LIPE: variants seen among roughly 807,000 people sequenced by gnomAD.
LIPE encodes lipase E, hormone sensitive type, also known as hormone-sensitive lipase.
A neutral mutation model predicts 88.5 loss-of-function variants in LIPE; 66 were observed. The observed-to-expected ratio is 0.75, with a 90% CI of 0.61 to 0.91. The LOEUF is 0.91. LIPE is among the 40% of genes least tolerant of loss of function. The probability of loss-of-function intolerance (pLI) is 0.00; values close to 1 mark genes in which losing one functional copy is unlikely to be tolerated. For synonymous variants in LIPE, 570 were observed against 617.5 expected (o/e 0.92, Z 1.14); for missense variants, 1,346 against 1,434.7 (o/e 0.94, Z 1.00).
chr19:42,413,966 A>G (rs1206030858), intron 1 of LIPE, among the ~76,000 whole-genome samples: 1 of 152,180 alleles, frequency 6.6e-6, no homozygotes, highest in Non-Finnish European at 1.5e-5. Flanking sequence ...AGGCAGTGTT[A>G]GGCTTGCAGC....
chr19:42,404,877 A>T (rs879524418), intron 8 of LIPE, among the ~76,000 whole-genome samples: 5 of 148,610 alleles, frequency 3.4e-5, no homozygotes, highest in Non-Finnish European at 7.5e-5. Flanking sequence ...CTTTTTTTAA[A>T]TTTTTTTTTT....
chr19:42,410,464 T>G lies in LIPE; in HGVS notation c.1262A>C (p.Gln421Pro). 6.2e-7 allele frequency: 1 copy of G among 1,614,084 alleles called. No individual in the cohort carries two copies. The change falls in exon 2 of 10, where the codon CAG becomes CCG. Residue 421 changes from glutamine to proline, a missense_variant. By Grantham distance (76) the Gln-to-Pro change is moderately conservative (BLOSUM62 -1). Transcript: ENST00000244289. This position sits in a 1 kb window ranked among gnomAD's most constrained non-coding sequence, Gnocchi z 6.1. Reference protein sequence around the residue: ...ELEAYLAALTQLRALVYYAQR... With the variant: ...ELEAYLAALTPLRALVYYAQR... Reference sequence around the variant, plus strand: ...GGCGTAGTAGACCAGAGCGCGGAGCTGGGTGAGGGCAGCCAGGTAGGCCTC... The same window carrying G: ...GGCGTAGTAGACCAGAGCGCGGAGCGGGGTGAGGGCAGCCAGGTAGGCCTC...
In LIPE at chr19:42,410,665, C is replaced by T. The variant is rs369144223; in HGVS notation, c.1061G>A (p.Arg354His). 1.1e-5 allele frequency: 17 copies of T among 1,611,702 alleles called. No individual in the cohort carries two copies. The highest frequency in any genetic ancestry group is 5.3e-5 in the African/African-American group (4 of 74,886). The change falls in exon 2 of 10, where the codon CGC becomes CAC. Residue 354 changes from arginine (R) to histidine (H), a missense_variant. Physicochemically the swap from Arg to His is conservative, Grantham distance 29 (BLOSUM62 0). Coordinates refer to ENST00000244289, the MANE Select transcript of LIPE (RefSeq NM_005357.4). The surrounding 1 kb of genome is among the most constrained non-coding windows in gnomAD (Gnocchi z 6.1). Reference sequence around the variant, plus strand: ...AAAGAGGTGCGCCACACCCAGCAGGCGGCCCAGGGCCGGCTCCAGCCCCAG... The same window carrying T: ...AAAGAGGTGCGCCACACCCAGCAGGTGGCCCAGGGCCGGCTCCAGCCCCAG... ...QALGLEPALG[R>H]LLGVAHLFDL...
rs192654578 is a variant in LIPE, at chr19:42,413,497, C to T, written c.884-2655G>A. 3.3e-5 allele frequency among the ~76,000 whole-genome samples: 5 copies of T among 152,298 alleles called. No homozygotes were observed. The East Asian group carries it at 9.7e-4, about 29-fold the overall frequency. On this transcript the variant is annotated intron_variant, in intron 1 of 9. Transcript: ENST00000244289. ...TGGCTAACACGGTGAAACCCCGTCT[C>T]TACTAAAAATACAAAAAAATTAGCC... is the stretch of plus-strand genomic sequence containing the variant.
chr19:42,402,100 G>T (rs952877136), intron 9 of LIPE, 25 bp from the exon 10 acceptor site: 1 of 1,452,770 alleles, frequency 6.9e-7, no homozygotes, highest in African/African-American at 1.5e-5. Context: ...GGAGGGACGT[G>T]GAGAGAGGGT....
Position 42,407,426 on chromosome 19 carries a change from G to A in LIPE, c.1885C>T (p.Arg629Trp), listed in dbSNP as rs369701120. 41 of 1,613,432 alleles carry A rather than the reference G, an allele frequency of 2.5e-5. No individual in the cohort carries two copies. Among genetic ancestry groups the A allele is most frequent in the East Asian group, 2.5e-4 (11 of 44,870 alleles). ...LSSLIKSNGQ[R>W]SLELWPRPQQ... is the part of the protein sequence containing the mutation. Reference sequence around the variant, plus strand: ...GGGCGCGGCCACAGCTCCAGGCTCCGTTGGCCGTTGGACTTTATCAGGCTG... The same window carrying A: ...GGGCGCGGCCACAGCTCCAGGCTCCATTGGCCGTTGGACTTTATCAGGCTG... Residue 629 changes from arginine to tryptophan, a missense_variant, in exon 6 of 10, where the codon CGG (arginine) becomes TGG (tryptophan). Coordinates refer to ENST00000244289, the MANE Select transcript of LIPE (RefSeq NM_005357.4). The surrounding 1 kb of genome is among the most constrained non-coding windows in gnomAD (Gnocchi z 5.8).
At position 42,410,613 on chromosome 19, in the gene LIPE, G is replaced by T; in HGVS notation, c.1113C>A (p.Asn371Lys). The T allele has an allele frequency of 6.2e-7, 1 of 1,613,340 alleles. No individual in the cohort carries two copies. Among genetic ancestry groups the T allele is most frequent in the Non-Finnish European group, 8.5e-7 (1 of 1,179,888 alleles). The change falls in exon 2 of 10, where the codon AAC becomes AAA. Residue 371 changes from asparagine (N) to lysine (K), a missense_variant. By Grantham distance (94) the Asn-to-Lys change is moderately conservative. Coordinates refer to ENST00000244289, the MANE Select transcript of LIPE (RefSeq NM_005357.4). This position sits in a 1 kb window ranked among gnomAD's most constrained non-coding sequence, Gnocchi z 6.1. ...CTGTGTGCACTAGGCTGCGGTACCC[G>T]TTGGCCGGTGTCTCTGGGTCCAGGT... is the stretch of plus-strand genomic sequence containing the variant. The part of the protein sequence containing the change: ...LFDLDPETPA[N>K]GYRSLVHTAR...
Position 42,411,367 on chromosome 19 carries a change from CCTT to C in LIPE, c.884-528_884-526del, listed in dbSNP as rs528712833. The C allele has an allele frequency of 8.1e-6, 8 of 982,384 alleles. No individual in the cohort carries two copies. In the South Asian group the frequency reaches 1.4e-4, roughly 17 times the overall value. The allele number at this position is 982,384 out of a possible 1,614,324, so 60.9% of individuals were successfully genotyped here. ...ATGAATTCTCCTGGGGCCCAAGACT[CCTT>C]CTCCTAGATTCCAAGAAGTCTAAAC... On this transcript the variant is annotated intron_variant, in intron 1 of 9. Coordinates refer to ENST00000244289, the MANE Select transcript of LIPE (RefSeq NM_005357.4).
chr19:42,403,536 C>T (rs1474954160), intron 8 of LIPE, among the ~76,000 whole-genome samples: 4 of 151,634 alleles, frequency 2.6e-5, no homozygotes, highest in Non-Finnish European at 5.9e-5. Context: ...CAACCTCCAC[C>T]TCCCAGGTTC....
Position 42,403,241 on chromosome 19 carries a change from ATGTGTG to A in LIPE, c.2543-216_2543-211del, listed in dbSNP as rs56983822. On this transcript the variant is annotated intron_variant, in intron 8 of 9. Transcript: ENST00000244289. ...GTGGGGCAGTGTGTTCTAGTGAAGG[ATGTGTG>A]TGTGTGTGTGTGTGTGTGTGTGTGT... Among the ~76,000 whole-genome samples, 3,237 of 91,932 alleles carry A rather than the reference ATGTGTG, an allele frequency of 0.035. 68 individuals carry two copies. The highest frequency in any genetic ancestry group is 0.074 in the African/African-American group (1,911 of 25,810). The allele number at this position is 91,932 out of a possible 152,430, so 60.3% of individuals were successfully genotyped here. A position where few individuals can be genotyped will look rare whatever the true frequency, so the allele number is the denominator to read the frequency against.
At chr19:42,424,401 T>A (rs369370481) in intron 1 of LIPE, 48 of 456,442 alleles carry the variant, frequency 1.1e-4, no homozygotes, top group Admixed American at 9.4e-4. Context: ...CAACTGCTTC[T>A]GGACCGCCTG....
In LIPE at chr19:42,401,724, A is replaced by G. The variant is rs1481440450; in HGVS notation, c.*88T>C. On this transcript the variant is annotated 3_prime_UTR_variant, in exon 10 of 10. Transcript: ENST00000244289. The stretch of plus-strand genomic sequence containing the variant: ...CCGCCCCGCCCCCTTGCCACCCCCG[A>G]CTTAAGTAAGGCACAGCCCGCGTCC... The G allele has an allele frequency of 1.3e-5, 1 of 74,750 alleles. No individual in the cohort carries two copies. The highest frequency in any genetic ancestry group is 4.4e-4 in the South Asian group (1 of 2,258). The allele number at this position is 74,750 out of a possible 1,614,324, so 4.6% of individuals were successfully genotyped here. A position where few individuals can be genotyped will look rare whatever the true frequency, so the allele number is the denominator to read the frequency against.
In LIPE at chr19:42,407,250, A is replaced by G; in HGVS notation, c.2061T>C (p.Pro687=). 2 of 1,594,812 alleles carry G rather than the reference A, an allele frequency of 1.3e-6. No homozygotes were observed. The highest frequency in any genetic ancestry group is 8.5e-7 in the Non-Finnish European group (1 of 1,170,804). ...PIISIDYSLA[P]EAPFPRALEE... is the part of the protein sequence containing the mutation. Reference sequence around the variant, plus strand: ...CCAGCGCACGGGGGAAGGGGGCCTCAGGGGCCAGGGAGTAGTCGATGGAGA... The same window carrying G: ...CCAGCGCACGGGGGAAGGGGGCCTCGGGGGCCAGGGAGTAGTCGATGGAGA... The change falls in exon 6 of 10, where the codon CCT becomes CCC. Residue 687 remains proline, a synonymous_variant. Transcript: ENST00000244289. The surrounding 1 kb of genome is among the most constrained non-coding windows in gnomAD (Gnocchi z 5.8).
At chr19:42,423,251 A>G (rs532576053) in intron 1 of LIPE, 30 of 393,664 alleles carry the variant, frequency 7.6e-5, no homozygotes, top group South Asian at 6.2e-4. Context: ...CGGCTGTCAC[A>G]TCACCCCCTT....
intron 1 of LIPE, among the ~76,000 whole-genome samples, chr19:42,417,186 C>T (rs925399735): frequency 6.6e-6 from 1 of 152,216 alleles, no homozygotes; most frequent in Admixed American, 6.5e-5. Flanking sequence ...TCCCAAAATG[C>T]TGGGATTACA....
At position 42,423,400 on chromosome 19, in the gene LIPE, C is replaced by G. The variant is rs1019734845; in HGVS notation, c.883+2867G>C. 5.4e-6 allele frequency: 7 copies of G among 1,289,034 alleles called. No homozygotes were observed. In the African/African-American group the frequency reaches 7.6e-5, roughly 14 times the overall value. The allele number at this position is 1,289,034 out of a possible 1,614,324, so 79.8% of individuals were successfully genotyped here. On this transcript the variant is annotated intron_variant, in intron 1 of 9. Transcript: ENST00000244289. ...GTACGAGGTTCCTTCCGGGCTGCTG[C>G]CGGTCTCCGCGCGCTCACCTTTGGC... is the stretch of plus-strand genomic sequence containing the variant.
In LIPE at chr19:42,426,065, G is replaced by A. The variant is rs185507064; in HGVS notation, c.883+202C>T. 7.8e-3 allele frequency among the ~76,000 whole-genome samples: 1,138 copies of A among 146,346 alleles called. 14 individuals are homozygous for A. Among genetic ancestry groups the A allele is most frequent in the African/African-American group, 0.027 (1,074 of 39,414 alleles). ...AATCCATCTGCCTCGGCCTCCCAAAGTGCTGGGATTACAGGTGTGAGCCAC... is the reference window on the plus strand; with the variant it reads ...AATCCATCTGCCTCGGCCTCCCAAAATGCTGGGATTACAGGTGTGAGCCAC... On this transcript the variant is annotated intron_variant, in intron 1 of 9. Coordinates refer to ENST00000244289, the MANE Select transcript of LIPE (RefSeq NM_005357.4).
chr19:42,418,779 A>G (rs10415854), intron 1 of LIPE, among the ~76,000 whole-genome samples: 10,050 of 152,234 alleles, frequency 0.066, 1,038 homozygotes, highest in African/African-American at 0.22. Flanking sequence ...TGTGTGACTC[A>G]CTTTATCAAG....
intron 1 of LIPE, among the ~76,000 whole-genome samples, chr19:42,415,297 A>G (rs1287718639): frequency 6.6e-6 from 1 of 152,190 alleles, no homozygotes; most frequent in Non-Finnish European, 1.5e-5. Flanking sequence ...TAACAACCCT[A>G]CAATGACCTC....
Sources: allele counts gnomAD v4.1 joint callset (sites outside exome capture counted in the v4.1 genomes callset), GRCh38; gene constraint gnomAD v4.1.1; non-coding constraint Gnocchi (gnomAD v3.1); transcripts MANE v1.5; gene names NCBI Gene and HGNC (gene_info 2026-07-23, HGNC 2026-07-21).